NFATC2: variants seen among roughly 807,000 people sequenced by gnomAD.
The protein encoded by NFATC2 is nuclear factor of activated T-cells, cytoplasmic 2.
Under a neutral mutation model 87.3 loss-of-function variants are expected in NFATC2, and 22 were observed. The ratio of observed to expected loss-of-function variants is 0.25; its 90% CI spans 0.18 to 0.36. The LOEUF (loss-of-function observed/expected upper bound fraction) is 0.36. Among genes scored for constraint, NFATC2 ranks in the 10% least tolerant of loss-of-function variants. NFATC2 has a pLI of 1.00. For synonymous variants in NFATC2, 565 were observed against 542.2 expected, an observed-to-expected ratio of 1.04 and a Z score of -0.58; for missense variants, 1,149 against 1,259.1, an observed-to-expected ratio of 0.91 and a Z score of 1.32.
chr20:51,476,546 T>TA (rs1471071034), intron 3 of NFATC2, among the ~76,000 whole-genome samples: 5 of 152,206 alleles, frequency 3.3e-5, no homozygotes, highest in Non-Finnish European at 1.5e-5. Flanking sequence ...TCCTACTTTT[T>TA]ATCCAGTCCA....
intron 5 of NFATC2, among the ~76,000 whole-genome samples, chr20:51,473,356 G>T (rs1239599520): frequency 1.3e-5 from 2 of 151,984 alleles, no homozygotes; most frequent in Non-Finnish European, 1.5e-5. Flanking sequence ...GGGGGACAGG[G>T]CATGGGTGGG....
At chr20:51,443,464 CAGGACCCTGCA>C (rs1255377958) in intron 6 of NFATC2, among the ~76,000 whole-genome samples, 1 of 152,210 alleles carries the variant, frequency 6.6e-6, no homozygotes, top group African/African-American at 2.4e-5. Context: ...TCTCCAGCCG[CAGGACCCTGCA>C]AGGAGGAATC....
upstream of NFATC2, among the ~76,000 whole-genome samples, chr20:51,547,248 G>T (rs559033026): frequency 5.6e-4 from 86 of 152,268 alleles, 1 homozygote; most frequent in African/African-American, 2.0e-3. Flanking sequence ...AGACTACAGA[G>T]ACAAGTGGTA....
At chr20:51,512,524 A>G (rs2146676108) in intron 3 of NFATC2, among the ~76,000 whole-genome samples, 1 of 152,356 alleles carries the variant, frequency 6.6e-6, no homozygotes, top group Admixed American at 6.5e-5. Context: ...CAAATGAGTC[A>G]TGAGATCTGA....
rs531876004 is a variant in NFATC2 at position 51,482,405 on chromosome 20, T to C, written c.1333-6745A>G. On this transcript the variant is annotated intron_variant, in intron 3 of 10. Transcript: ENST00000371564. The stretch of plus-strand genomic sequence containing the variant: ...GTGTAAAGTACTAAGAGCTCACTCA[T>C]TGCAGGAAAAAATAGACAAGATAAA... Among the ~76,000 whole-genome samples the C allele has an allele frequency of 2.0e-5, 3 of 152,176 alleles. No homozygotes were observed. The South Asian group carries it at 6.2e-4, about 32-fold the overall frequency.
chr20:51,530,396 T>G (rs1439246926), intron 1 of NFATC2, among the ~76,000 whole-genome samples: 2 of 152,164 alleles, frequency 1.3e-5, no homozygotes, highest in Admixed American at 6.5e-5. Context: ...CTCGAACTCC[T>G]GACCTCAAGT....
intron 9 of NFATC2, among the ~76,000 whole-genome samples, chr20:51,429,806 T>C (rs983780350): frequency 6.6e-6 from 1 of 152,118 alleles, no homozygotes; most frequent in Non-Finnish European, 1.5e-5. Context: ...CTTCAGAAAA[T>C]AGCTCCTAAC....
chr20:51,542,568 C>A lies in NFATC2; in HGVS notation c.-69G>T, dbSNP rs986221714. ...GCGCGGCTGGCTCTGGGACCCCTCG[C>A]AGTGGGGCTGGCGGAGGCGGCTCGA... On this transcript the variant is annotated 5_prime_UTR_variant, in exon 1 of 11. Transcript: ENST00000371564. 76 of 1,287,252 alleles carry A rather than the reference C, an allele frequency of 5.9e-5. No homozygotes were observed. The highest frequency in any genetic ancestry group is 8.6e-5 in the Admixed American group (2 of 23,286). The allele number at this position is 1,287,252 out of a possible 1,614,324, so 79.7% of individuals were successfully genotyped here. A position where few individuals can be genotyped will look rare whatever the true frequency, so the allele number is the denominator to read the frequency against.
intron 10 of NFATC2, among the ~76,000 whole-genome samples, chr20:51,398,249 CCTGCCCACT>C (rs369792884): frequency 4.6e-5 from 7 of 152,324 alleles, no homozygotes; most frequent in African/African-American, 1.7e-4. Flanking sequence ...TTCGGACCTC[CCTGCCCACT>C]CTGCTGTTCC....
chr20:51,538,034 C>T (rs950849276), intron 1 of NFATC2, among the ~76,000 whole-genome samples: 4 of 152,162 alleles, frequency 2.6e-5, no homozygotes, highest in African/African-American at 7.2e-5. Context: ...CAGGTCCAGG[C>T]GGCTTCACAG....
intron 1 of NFATC2, among the ~76,000 whole-genome samples, chr20:51,533,425 T>G (rs1387503913): frequency 6.6e-6 from 1 of 152,216 alleles, no homozygotes; most frequent in Admixed American, 6.5e-5. Flanking sequence ...ATGAATCATG[T>G]GTATTAATGA....
intron 9 of NFATC2, among the ~76,000 whole-genome samples, chr20:51,414,483 G>A (rs954503843): frequency 1.3e-5 from 2 of 152,104 alleles, no homozygotes; most frequent in African/African-American, 4.8e-5. Flanking sequence ...GAGGTCAGGA[G>A]TTCGAGACCA....
At chr20:51,490,104 G>A (rs867846389) in intron 3 of NFATC2, among the ~76,000 whole-genome samples, 1 of 152,274 alleles carries the variant, frequency 6.6e-6, no homozygotes, top group East Asian at 1.9e-4. Context: ...TGGATAATAG[G>A]GAGATGCTAT....
intron 1 of NFATC2, among the ~76,000 whole-genome samples, chr20:51,561,658 T>G (rs192374323): frequency 3.8e-5 from 5 of 131,722 alleles, no homozygotes; most frequent in Admixed American, 3.6e-4. Context: ...GGAGGCTAAC[T>G]CCTCCTCCGC....
At chr20:51,435,407 G>A (rs1287266862) in intron 7 of NFATC2, 93 bp from the exon 8 acceptor site, 1 of 1,548,088 alleles carries the variant, frequency 6.5e-7, no homozygotes, top group African/African-American at 1.4e-5. Context: ...CTGTCTAATG[G>A]GTGTTTTGAT....
At chr20:51,510,283 A>T (rs995211355) in intron 3 of NFATC2, among the ~76,000 whole-genome samples, 2 of 152,252 alleles carry the variant, frequency 1.3e-5, no homozygotes, top group Non-Finnish European at 2.9e-5. Context: ...CCAGGAAAGG[A>T]TTAAATGACA....
chr20:51,523,299 C>A lies in NFATC2; in HGVS notation c.942G>T (p.Ser314=). The change falls in exon 2 of 11, where the codon TCG becomes TCT. Residue 314 remains serine (S), a synonymous_variant. Transcript: ENST00000371564. The surrounding 1 kb of genome is among the most constrained non-coding windows in gnomAD (Gnocchi z 6.9). ...ACATCTTGGGGGGGATCCCACAAGG[C>A]GAGTCCGTGGCGAGGCTGTTCAGGG... The part of the protein sequence containing the change: ...MDALNSLATD[S]PCGIPPKMWK... 6.2e-7 allele frequency: 1 copy of A among 1,613,782 alleles called. No individual in the cohort carries two copies. The highest frequency in any genetic ancestry group is 2.2e-5 in the East Asian group (1 of 44,856).
rs1456721561 is a variant in NFATC2, at chr20:51,434,343, G to A, written c.2032+845C>T. ...GTCATAGGATGCAAATTATACCCTG[G>A]GTGATTGTCTCGAATTATAGGTTTC... On this transcript the variant is annotated intron_variant, in intron 8 of 10. Transcript: ENST00000371564. Among the ~76,000 whole-genome samples the A allele has an allele frequency of 3.9e-5, 6 of 152,182 alleles. No individual in the cohort carries two copies. The East Asian group carries it at 5.8e-4, about 15-fold the overall frequency.
chr20:51,472,051 G>A (rs1393018996), intron 5 of NFATC2, among the ~76,000 whole-genome samples: 2 of 152,102 alleles, frequency 1.3e-5, no homozygotes, highest in African/African-American at 4.8e-5. Context: ...TCAGGAGTTC[G>A]AGACCAGCCT....
Sources: gnomAD v4.1 joint callset for allele counts (sites outside exome capture counted in the v4.1 genomes callset) on GRCh38, gnomAD v4.1.1 for gene constraint, Gnocchi (gnomAD v3.1) non-coding constraint, MANE v1.5 for transcripts, NCBI Gene and HGNC (gene_info 2026-07-23, HGNC 2026-07-21) for gene names.